Variants in KLHL29 observed in about 807,000 individuals in gnomAD.
KLHL29 encodes the protein kelch like family member 29.
KLHL29 carries 21 observed loss-of-function variants against 80.4 expected under a neutral mutation model. That is an observed-to-expected ratio of 0.26 (90% confidence interval 0.19 to 0.38). KLHL29 has a LOEUF of 0.38. KLHL29 is among the 10% of genes least tolerant of loss of function. The pLI is 1.00. For missense variants in KLHL29, 867 were observed against 1,223.9 expected (o/e 0.71, Z 4.35); for synonymous variants, 511 against 526.8 (o/e 0.97, Z 0.41).
At chr2:23,495,513 T>C (rs1427837030) in intron 2 of KLHL29, among the ~76,000 whole-genome samples, 7 of 152,246 alleles carry the variant, frequency 4.6e-5, no homozygotes, top group Admixed American at 4.6e-4. Context: ...CTTTATCTTC[T>C]GCCCTGGGTG....
intron 2 of KLHL29, among the ~76,000 whole-genome samples, chr2:23,516,955 G>A (rs1448840745): frequency 6.6e-6 from 1 of 152,180 alleles, no homozygotes; most frequent in Non-Finnish European, 1.5e-5. Flanking sequence ...AGGCAGCGTG[G>A]GCTTTGTCAG....
chr2:23,568,575 C>G, intron 3 of KLHL29, among the ~76,000 whole-genome samples: 1 of 152,178 alleles, frequency 6.6e-6, no homozygotes, highest in East Asian at 1.9e-4. Context: ...AGCAAGAGAG[C>G]AAGGTCCATG....
At chr2:23,661,291 A>G (rs532142614) in intron 5 of KLHL29, among the ~76,000 whole-genome samples, 3 of 150,392 alleles carry the variant, frequency 2.0e-5, no homozygotes, top group Admixed American at 6.7e-5. Context: ...ACAGTGAGCT[A>G]TGATCTCACC....
chr2:23,557,237 G>C (rs557092838), intron 2 of KLHL29, among the ~76,000 whole-genome samples: 1 of 152,252 alleles, frequency 6.6e-6, no homozygotes, highest in East Asian at 1.9e-4. Context: ...TATGCCCATG[G>C]GACCTTGTGA....
In KLHL29 at chr2:23,445,539, T is replaced by C. The variant is rs756155540; in HGVS notation, c.-153-30021T>C. Among the ~76,000 whole-genome samples, 6 of 152,244 alleles carry C rather than the reference T, an allele frequency of 3.9e-5. 1 individual carries two copies. The highest frequency in any genetic ancestry group is 2.9e-5 in the Non-Finnish European group (2 of 68,044). On this transcript the variant is annotated intron_variant, in intron 1 of 13. Transcript: ENST00000486442. ...TCTGTCCATAGGCTGTTGGGTTGTT[T>C]CCGGTCTTTTTCTTGCACAGACAGT... is the stretch of plus-strand genomic sequence containing the variant.
intron 2 of KLHL29, among the ~76,000 whole-genome samples, chr2:23,506,875 C>A (rs1204942564): frequency 6.7e-6 from 1 of 149,494 alleles, no homozygotes; most frequent in Non-Finnish European, 1.5e-5. Flanking sequence ...ATGCCAAAAC[C>A]CCTGACACCT....
chr2:23,655,706 T>C (rs1401275316), intron 5 of KLHL29, among the ~76,000 whole-genome samples: 1 of 152,202 alleles, frequency 6.6e-6, no homozygotes, highest in Admixed American at 6.5e-5. Flanking sequence ...AGAATACAGC[T>C]AGACTGCCAG....
At chr2:23,464,756 C>T (rs889066494) in intron 1 of KLHL29, among the ~76,000 whole-genome samples, 1 of 152,108 alleles carries the variant, frequency 6.6e-6, no homozygotes. Context: ...TTTAAGGCAT[C>T]GTCATTCTGA....
intron 2 of KLHL29, among the ~76,000 whole-genome samples, chr2:23,529,869 G>A (rs1014473959): frequency 5.9e-5 from 9 of 152,220 alleles, no homozygotes; most frequent in East Asian, 1.9e-4. Context: ...AGGCTTGCCC[G>A]TTGCAGTATC....
chr2:23,599,828 C>A (rs1161205805), intron 3 of KLHL29, among the ~76,000 whole-genome samples: 1 of 152,214 alleles, frequency 6.6e-6, no homozygotes, highest in Non-Finnish European at 1.5e-5. Flanking sequence ...CGCCCGACGC[C>A]ACGTCCCTCC....
At chr2:23,605,107 CTTTTTTTT>C (rs386389703) in intron 3 of KLHL29, among the ~76,000 whole-genome samples, 4 of 92,480 alleles carry the variant, frequency 4.3e-5, no homozygotes, top group Non-Finnish European at 6.1e-5. Flanking sequence ...TCCTTTGTTG[CTTTTTTTT>C]TTTTTTTTTT....
rs571892078 is a variant in KLHL29, at chr2:23,457,028, G to A, written c.-153-18532G>A. ...TGGCGGCATCTCAGGTGTCAGGGCCGGAGCAGCAGAGGTCGAGGCCTTCCG... is the reference window on the plus strand; with the variant it reads ...TGGCGGCATCTCAGGTGTCAGGGCCAGAGCAGCAGAGGTCGAGGCCTTCCG... On this transcript the variant is annotated intron_variant, in intron 1 of 13. Coordinates refer to ENST00000486442, the MANE Select transcript of KLHL29 (RefSeq NM_052920.2). This position sits in a 1 kb window ranked among gnomAD's most constrained non-coding sequence, Gnocchi z 4.3. 4.9e-4 allele frequency among the ~76,000 whole-genome samples: 75 copies of A among 152,348 alleles called. No homozygotes were observed. The highest frequency in any genetic ancestry group is 1.7e-3 in the African/African-American group (69 of 41,580).
intron 5 of KLHL29, among the ~76,000 whole-genome samples, chr2:23,650,818 T>G (rs1169261404): frequency 6.6e-6 from 1 of 152,202 alleles, no homozygotes; most frequent in Non-Finnish European, 1.5e-5. Context: ...AAGTATGCCA[T>G]GCTGGACTGA....
chr2:23,485,401 C>G (rs1402794542), intron 2 of KLHL29, among the ~76,000 whole-genome samples: 2 of 152,222 alleles, frequency 1.3e-5, no homozygotes, highest in Non-Finnish European at 2.9e-5. Flanking sequence ...GCCAGCCACA[C>G]CCATCAAGGC....
At chr2:23,401,259 G>C (rs770850911) in intron 1 of KLHL29, among the ~76,000 whole-genome samples, 10 of 152,180 alleles carry the variant, frequency 6.6e-5, no homozygotes, top group Non-Finnish European at 1.3e-4. Flanking sequence ...TCATGAAGCA[G>C]ACAGAATTTG....
At chr2:23,429,587 T>A (rs1418104097) in intron 1 of KLHL29, among the ~76,000 whole-genome samples, 1 of 152,080 alleles carries the variant, frequency 6.6e-6, no homozygotes, top group African/African-American at 2.4e-5. Flanking sequence ...ACCTCGTCTC[T>A]ACTAAAAATA....
chr2:23,427,240 T>C (rs1663028879), intron 1 of KLHL29, among the ~76,000 whole-genome samples: 1 of 152,134 alleles, frequency 6.6e-6, no homozygotes, highest in African/African-American at 2.4e-5. Flanking sequence ...GGCTGAATAT[T>C]TTTGCGGCGT....
chr2:23,411,378 A>T (rs895881864), intron 1 of KLHL29, among the ~76,000 whole-genome samples: 1 of 67,032 alleles, frequency 1.5e-5, no homozygotes, highest in Admixed American at 1.5e-4. Context: ...TGTTGCAAAA[A>T]TTGTGTGTGT....
At position 23,422,191 on chromosome 2, in the gene KLHL29, T is replaced by C. The variant is rs1662835380; in HGVS notation, c.-154+36411T>C. On this transcript the variant is annotated intron_variant, in intron 1 of 13. Coordinates refer to ENST00000486442, the MANE Select transcript of KLHL29 (RefSeq NM_052920.2). ...GTGTATCTGTGTATCTATGTGTCTC[T>C]GTGTCTGTATGCCAGTGTGTCTATG... Among the ~76,000 whole-genome samples, 3 of 151,742 alleles carry C rather than the reference T, an allele frequency of 2.0e-5. No homozygotes were observed. The South Asian group carries it at 6.3e-4, about 32-fold the overall frequency.
Sources: allele counts gnomAD v4.1 joint callset (sites outside exome capture counted in the v4.1 genomes callset), GRCh38; gene constraint gnomAD v4.1.1; non-coding constraint Gnocchi (gnomAD v3.1); transcripts MANE v1.5; gene names NCBI Gene and HGNC (gene_info 2026-07-23, HGNC 2026-07-21).